The following GABRA1 variants were observed in gnomAD, a reference collection of about 807,000 sequenced individuals.
GABRA1 encodes gamma-aminobutyric acid receptor subunit alpha-1.
A neutral mutation model predicts 48.9 loss-of-function variants in GABRA1; 9 were observed. The observed-to-expected ratio is 0.18, with a 90% CI of 0.11 to 0.32. The LOEUF (loss-of-function observed/expected upper bound fraction) is 0.32. Among genes scored for constraint, GABRA1 ranks in the 10% least tolerant of loss-of-function variants. The pLI, the probability that GABRA1 is intolerant of heterozygous loss-of-function variation, is 1.00. For missense variants in GABRA1, 285 were observed against 553.8 expected, an observed-to-expected ratio of 0.51 and a Z score of 4.87; for synonymous variants, 210 against 198.7, an observed-to-expected ratio of 1.06 and a Z score of -0.48.
intron 6 of GABRA1, among the ~76,000 whole-genome samples, chr5:161,880,820 T>TA: frequency 6.6e-6 from 1 of 152,206 alleles, no homozygotes; most frequent in East Asian, 1.9e-4. Flanking sequence ...TATTTTCATG[T>TA]AAAAAAGCAA....
Position 161,895,892 on chromosome 5 carries a change from AG to A in GABRA1, c.1059+25del, listed in dbSNP as rs752614192. On this transcript the variant is annotated intron_variant, in intron 9 of 9. Transcript: ENST00000393943. ...AGGTAAATGCTTTAATGGTCACTGTAGTACATCAATATTATGTCTCTTTAAA... is the reference window on the plus strand; with the variant it reads ...AGGTAAATGCTTTAATGGTCACTGTATACATCAATATTATGTCTCTTTAAA... 17 of 1,571,894 alleles carry A rather than the reference AG, an allele frequency of 1.1e-5. No individual in the cohort carries two copies. The South Asian group carries it at 1.9e-4, about 17-fold the overall frequency.
intron 1 of GABRA1, chr5:161,850,360 A>C: frequency 5.6e-6 from 2 of 359,298 alleles, no homozygotes; most frequent in Non-Finnish European, 9.9e-6. Context: ...CCAATCCCTA[A>C]ATATGTTCTT....
At chr5:161,891,777 A>G (rs951446834) in intron 8 of GABRA1, among the ~76,000 whole-genome samples, 8 of 152,296 alleles carry the variant, frequency 5.3e-5, no homozygotes, top group African/African-American at 9.6e-5. Flanking sequence ...AAAGATTCCA[A>G]TACAATATCT....
At chr5:161,869,504 A>G (rs1314385971) in intron 4 of GABRA1, among the ~76,000 whole-genome samples, 1 of 152,192 alleles carries the variant, frequency 6.6e-6, no homozygotes, top group Non-Finnish European at 1.5e-5. Flanking sequence ...TTTAAAAACC[A>G]TTAATTGGCA....
intron 3 of GABRA1, 133 bp from the exon 4 acceptor site, chr5:161,865,588 C>G: frequency 1.3e-6 from 1 of 786,408 alleles, no homozygotes; most frequent in Non-Finnish European, 2.3e-6. Context: ...ATTATCAGGA[C>G]TACACAGTGG....
chr5:161,874,355 A>G (rs1203381646), intron 5 of GABRA1, among the ~76,000 whole-genome samples: 1 of 152,166 alleles, frequency 6.6e-6, no homozygotes, highest in Non-Finnish European at 1.5e-5. Context: ...AAAAATCTAA[A>G]AGATAGAAAT....
chr5:161,895,027 T>C (rs1036115184), intron 8 of GABRA1, among the ~76,000 whole-genome samples: 5 of 149,892 alleles, frequency 3.3e-5, no homozygotes, highest in African/African-American at 1.2e-4. Flanking sequence ...TATATATATG[T>C]GTATATATAT....
intron 3 of GABRA1, among the ~76,000 whole-genome samples, chr5:161,863,039 G>C (rs76828407): frequency 6.6e-6 from 1 of 151,374 alleles, no homozygotes; most frequent in Non-Finnish European, 1.5e-5. Context: ...TTGAATTATC[G>C]CTTCAAAACA....
At chr5:161,888,440 A>G (rs1754943369) in intron 7 of GABRA1, among the ~76,000 whole-genome samples, 1 of 152,172 alleles carries the variant, frequency 6.6e-6, no homozygotes, top group African/African-American at 2.4e-5. Flanking sequence ...AGTTGTTTAT[A>G]AAACAAATAT....
chr5:161,869,595 T>C (rs1267722770), intron 4 of GABRA1, among the ~76,000 whole-genome samples: 3 of 152,198 alleles, frequency 2.0e-5, no homozygotes, highest in South Asian at 2.1e-4. Context: ...TTTTCCATAG[T>C]GCTTAAAATG....
At chr5:161,864,015 G>A (rs1366085707) in intron 3 of GABRA1, among the ~76,000 whole-genome samples, 1 of 151,962 alleles carries the variant, frequency 6.6e-6, no homozygotes, top group African/African-American at 2.4e-5. Context: ...GCCAAGAGCT[G>A]ATGACAAATC....
At chr5:161,869,468 A>C (rs546595418) in intron 4 of GABRA1, among the ~76,000 whole-genome samples, 2 of 152,280 alleles carry the variant, frequency 1.3e-5, no homozygotes, top group South Asian at 4.1e-4. Flanking sequence ...ATAGCAAACA[A>C]AATTAGGACA....
chr5:161,856,095 C>T (rs1469992216), intron 3 of GABRA1, among the ~76,000 whole-genome samples: 2 of 151,122 alleles, frequency 1.3e-5, no homozygotes, highest in Non-Finnish European at 3.0e-5. Context: ...ATACTTTAAC[C>T]CATTCATCAA....
At chr5:161,871,678 G>A (rs1168209734) in intron 4 of GABRA1, among the ~76,000 whole-genome samples, 2 of 152,100 alleles carry the variant, frequency 1.3e-5, no homozygotes, top group African/African-American at 4.8e-5. Context: ...AGAGATATTT[G>A]TTGGTGAGTA....
chr5:161,897,111 C>A lies in GABRA1; in HGVS notation c.1060C>A (p.Pro354Thr), dbSNP rs1465880198. 6.2e-7 allele frequency: 1 copy of A among 1,613,778 alleles called. No individual in the cohort carries two copies. Among genetic ancestry groups the A allele is most frequent in the Non-Finnish European group, 8.5e-7 (1 of 1,179,736 alleles). The stretch of plus-strand genomic sequence containing the variant: ...AATGCATTGCTCTTTCTTTCTACAG[C>A]CAAAGAAAGTAAAGGATCCTCTTAT... ...WDGKSVVPEKPKKVKDPLIKK... is the reference protein window; with the variant it reads ...WDGKSVVPEKTKKVKDPLIKK... The change falls in exon 10 of 10, where the codon CCA becomes ACA. Residue 354 changes from proline to threonine, a missense_variant and splice_region_variant. Coordinates refer to ENST00000393943, the MANE Select transcript of GABRA1 (RefSeq NM_001127644.2).
intron 8 of GABRA1, among the ~76,000 whole-genome samples, chr5:161,892,345 A>T (rs1452368104): frequency 6.6e-6 from 1 of 152,218 alleles, no homozygotes; most frequent in Non-Finnish European, 1.5e-5. Flanking sequence ...TCATTTTTCA[A>T]TAATATGTAG....
rs1235308391 is a variant in GABRA1 at position 161,899,649 on chromosome 5, AAATT to A, written c.*2229_*2232del. The A allele has an allele frequency of 6.6e-6, 1 of 152,216 alleles. No homozygotes were observed. The highest frequency in any genetic ancestry group is 2.4e-5 in the African/African-American group (1 of 41,462). 9.4% of individuals were successfully genotyped at this position (152,216 alleles called of 1,614,324 possible). A position where few individuals can be genotyped will look rare whatever the true frequency, so the allele number is the denominator to read the frequency against. On this transcript the variant is annotated 3_prime_UTR_variant, in exon 10 of 10. Coordinates refer to ENST00000393943, the MANE Select transcript of GABRA1 (RefSeq NM_001127644.2). ...AATGATTGCAAAGTTTATCAAAAAC[AAATT>A]ATTATATGTAGCTTTTCTACAGTGC...
chr5:161,882,496 C>T, intron 6 of GABRA1, 62 bp from the exon 7 acceptor site: 3 of 1,470,182 alleles, frequency 2.0e-6, no homozygotes, highest in South Asian at 2.3e-5. Context: ...TGAAAGGTAC[C>T]AACTAAATAA....
At chr5:161,868,420 GTT>G (rs33919310) in intron 4 of GABRA1, among the ~76,000 whole-genome samples, 2 of 151,620 alleles carry the variant, frequency 1.3e-5, no homozygotes, top group African/African-American at 4.8e-5. Flanking sequence ...TAAAATTGAT[GTT>G]TTTTTTCCAA....
Sources: gnomAD v4.1 joint callset for allele counts (sites outside exome capture counted in the v4.1 genomes callset) on GRCh38, gnomAD v4.1.1 for gene constraint, MANE v1.5 for transcripts, NCBI Gene and HGNC (gene_info 2026-07-23, HGNC 2026-07-21) for gene names.